CACNG4: variants seen among roughly 807,000 people sequenced by gnomAD.
The protein encoded by CACNG4 is calcium voltage-gated channel auxiliary subunit gamma 4.
CACNG4 carries 8 observed loss-of-function variants against 22.9 expected under a neutral mutation model. The observed-to-expected ratio is 0.35, with a 90% confidence interval of 0.21 to 0.63. The LOEUF (loss-of-function observed/expected upper bound fraction) is 0.63, where lower values mean the gene tolerates loss of function less well. CACNG4 is among the 30% of genes least tolerant of loss of function. CACNG4 has a pLI of 0.72. For missense variants in CACNG4, 357 were observed against 455.4 expected, an observed-to-expected ratio of 0.78 and a Z score of 1.97; for synonymous variants, 188 against 191.9, an observed-to-expected ratio of 0.98 and a Z score of 0.17.
chr17:67,018,848 T>C (rs1456694287), intron 2 of CACNG4, among the ~76,000 whole-genome samples: 1 of 152,114 alleles, frequency 6.6e-6, no homozygotes, highest in African/African-American at 2.4e-5. Flanking sequence ...GCACCGCCTC[T>C]GCCCATGGGA....
rs72846277 is a variant in CACNG4, at chr17:67,025,343, A to T, written c.445+343A>T. On this transcript the variant is annotated intron_variant, in intron 3 of 3. Coordinates refer to ENST00000262138, the MANE Select transcript of CACNG4 (RefSeq NM_014405.4). The stretch of plus-strand genomic sequence containing the variant: ...CCGGAAAATAAGTCCAGGTGTGCAA[A>T]GTGGTGGGTGGGGTTCAGCTGGCAG... 9.3e-3 allele frequency among the ~76,000 whole-genome samples: 1,423 copies of T among 152,266 alleles called. 20 individuals are homozygous for T. Among genetic ancestry groups the T allele is most frequent in the African/African-American group, 0.029 (1,209 of 41,538 alleles).
chr17:66,998,098 G>A (rs1040663772), intron 1 of CACNG4, among the ~76,000 whole-genome samples: 3 of 152,340 alleles, frequency 2.0e-5, no homozygotes, highest in East Asian at 3.9e-4. Flanking sequence ...TTCAGGACAC[G>A]TCAGGGCTGT....
In CACNG4 at chr17:66,984,562, T is replaced by G. The variant is rs778359041; in HGVS notation, c.220+19431T>G. On this transcript the variant is annotated intron_variant, in intron 1 of 3. Transcript: ENST00000262138. This position sits in a 1 kb window ranked among gnomAD's most constrained non-coding sequence, Gnocchi z 4.0. ...GTGCTATGTTCTGGGGACTCGTTCA[T>G]TCATTCATTCAGCACTTATTTTTGC... is the stretch of plus-strand genomic sequence containing the variant. 9.2e-5 allele frequency among the ~76,000 whole-genome samples: 14 copies of G among 152,172 alleles called. No individual in the cohort carries two copies. Among genetic ancestry groups the G allele is most frequent in the Non-Finnish European group, 1.8e-4 (12 of 68,018 alleles).
Position 67,031,314 on chromosome 17 carries a change from G to T in CACNG4, c.*310G>T. The T allele has an allele frequency of 1.7e-6, 1 of 572,168 alleles. No homozygotes were observed. Among genetic ancestry groups the T allele is most frequent in the South Asian group, 1.5e-5 (1 of 65,570 alleles). 35.4% of individuals were successfully genotyped at this position (572,168 alleles called of 1,614,324 possible). A position where few individuals can be genotyped will look rare whatever the true frequency, so the allele number is the denominator to read the frequency against. Reference sequence around the variant, plus strand: ...AGGCTGCCTGGCCTTGATCAACTTGGGAAGACAAAATTGAGCCATTATCTC... The same window carrying T: ...AGGCTGCCTGGCCTTGATCAACTTGTGAAGACAAAATTGAGCCATTATCTC... On this transcript the variant is annotated 3_prime_UTR_variant, in exon 4 of 4. Transcript: ENST00000262138. The surrounding 1 kb of genome is among the most constrained non-coding windows in gnomAD (Gnocchi z 4.0).
intron 2 of CACNG4, among the ~76,000 whole-genome samples, chr17:67,022,676 C>T (rs113325631): frequency 3.1e-3 from 467 of 152,372 alleles, no homozygotes; most frequent in African/African-American, 0.01. Context: ...GGGAGGGTGG[C>T]GCCTGCCAGT....
At position 67,031,560 on chromosome 17, in the gene CACNG4, A is replaced by C; in HGVS notation, c.*556A>C. ...CTCTCCCTCTCTCCAAGACTCTGGC[A>C]GTGGCCTATGATCCTGAAGACAGCT... On this transcript the variant is annotated 3_prime_UTR_variant, in exon 4 of 4. Coordinates refer to ENST00000262138, the MANE Select transcript of CACNG4 (RefSeq NM_014405.4). This position sits in a 1 kb window ranked among gnomAD's most constrained non-coding sequence, Gnocchi z 4.0. 2.2e-6 allele frequency: 1 copy of C among 457,016 alleles called. No individual in the cohort carries two copies. The highest frequency in any genetic ancestry group is 1.5e-5 in the South Asian group (1 of 64,562). The allele number at this position is 457,016 out of a possible 1,614,324, so 28.3% of individuals were successfully genotyped here.
intron 1 of CACNG4, 28 bp downstream of exon 1, chr17:66,965,159 C>CG (rs3035534): frequency 3.2e-6 from 3 of 924,568 alleles, no homozygotes; most frequent in East Asian, 6.8e-5. Context: ...CCCTCGCCGC[C>CG]CCACACACAC....
At position 67,030,702 on chromosome 17, in the gene CACNG4, T is replaced by C; in HGVS notation, c.682T>C (p.Ser228Pro). 1 of 1,614,154 alleles carries C rather than the reference T, an allele frequency of 6.2e-7. No individual in the cohort carries two copies. The highest frequency in any genetic ancestry group is 8.5e-7 in the Non-Finnish European group (1 of 1,180,022). The part of the protein sequence containing the change: ...KREFLKASSS[S>P]PYARMPSYRY... ...GGAATTCCTTAAGGCGTCTTCCTCT[T>C]CTCCTTATGCCAGGATGCCGAGCTA... The change falls in exon 4 of 4, where the codon TCT becomes CCT. Residue 228 changes from serine (S) to proline (P), a missense_variant. Ser to Pro is a moderately conservative substitution (Grantham distance 74, BLOSUM62 -1). Around this residue, in one of 3 missense-constraint regions of CACNG4, gnomAD observed 240 missense variants for 277.6 expected, o/e 0.86. Coordinates refer to ENST00000262138, the MANE Select transcript of CACNG4 (RefSeq NM_014405.4). The surrounding 1 kb of genome is among the most constrained non-coding windows in gnomAD (Gnocchi z 6.4).
intron 1 of CACNG4, among the ~76,000 whole-genome samples, chr17:67,001,729 G>A (rs1331203349): frequency 2.0e-5 from 3 of 152,230 alleles, no homozygotes; most frequent in Admixed American, 2.0e-4. Flanking sequence ...TGCTCTTCCA[G>A]GACTTCAGGG....
chr17:67,024,783 G>A, intron 2 of CACNG4, 77 bp from the exon 3 acceptor site: 1 of 1,383,994 alleles, frequency 7.2e-7, no homozygotes, highest in Non-Finnish European at 9.4e-7. Flanking sequence ...AGGTTCCTGG[G>A]AGACATACGC....
At chr17:66,991,547 T>A (rs1740844582) in intron 1 of CACNG4, among the ~76,000 whole-genome samples, 1 of 152,022 alleles carries the variant, frequency 6.6e-6, no homozygotes, top group Non-Finnish European at 1.5e-5. Flanking sequence ...TTGAGTCTGT[T>A]CTCCTGTTGG....
rs73997304 is a variant in CACNG4, at chr17:66,978,581, G to T, written c.220+13450G>T. Among the ~76,000 whole-genome samples, 3 of 152,268 alleles carry T rather than the reference G, an allele frequency of 2.0e-5. No individual in the cohort carries two copies. The East Asian group carries it at 5.8e-4, about 29-fold the overall frequency. ...CTCCCTTCCAGGGGCCGGACAGTCCGGCCAAGGCCATGTCACCAGCTCATC... is the reference window on the plus strand; with the variant it reads ...CTCCCTTCCAGGGGCCGGACAGTCCTGCCAAGGCCATGTCACCAGCTCATC... On this transcript the variant is annotated intron_variant, in intron 1 of 3. Coordinates refer to ENST00000262138, the MANE Select transcript of CACNG4 (RefSeq NM_014405.4).
chr17:66,964,739 G>A lies in CACNG4; in HGVS notation c.-173G>A, dbSNP rs1368774376. Among the ~76,000 whole-genome samples, 1 of 145,366 alleles carries A rather than the reference G, an allele frequency of 6.9e-6. No individual in the cohort carries two copies. Among genetic ancestry groups the A allele is most frequent in the Non-Finnish European group, 1.5e-5 (1 of 65,596 alleles). On this transcript the variant is annotated 5_prime_UTR_variant, in exon 1 of 4. Coordinates refer to ENST00000262138, the MANE Select transcript of CACNG4 (RefSeq NM_014405.4). ...GCCGCGCCTCGGAGTTTGAGCCCCA[G>A]CGCTGCCGGAGCGCAGGCACGCCCG...
At chr17:67,018,323 G>A (rs1387247344) in intron 2 of CACNG4, 51 bp downstream of exon 2, 1 of 1,418,144 alleles carries the variant, frequency 7.1e-7, no homozygotes, top group Non-Finnish European at 1.0e-6. Context: ...CGGAAGGGTG[G>A]GGGAAGGCGG....
chr17:66,980,022 G>C (rs919569361), intron 1 of CACNG4, among the ~76,000 whole-genome samples: 1 of 152,116 alleles, frequency 6.6e-6, no homozygotes, highest in Non-Finnish European at 1.5e-5. Context: ...CCAAAGTGCT[G>C]GGATTACAGG....
At chr17:66,994,020 TAA>T (rs58662640) in intron 1 of CACNG4, among the ~76,000 whole-genome samples, 30,273 of 142,394 alleles carry the variant, frequency 0.21, 5,269 homozygotes, top group African/African-American at 0.49. Flanking sequence ...AATATACACA[TAA>T]AAAAAAAAAA....
chr17:66,970,811 C>T (rs117314028), intron 1 of CACNG4, among the ~76,000 whole-genome samples: 157 of 152,322 alleles, frequency 1.0e-3, no homozygotes, highest in Non-Finnish European at 1.8e-3. Flanking sequence ...GACATGTTCT[C>T]GCCCTGTGTC....
chr17:66,975,823 T>C (rs2035232488), intron 1 of CACNG4, among the ~76,000 whole-genome samples: 2 of 152,184 alleles, frequency 1.3e-5, no homozygotes, highest in Non-Finnish European at 1.5e-5. Flanking sequence ...GGCTCTCAGC[T>C]GGGAGCTGAA....
At chr17:66,977,601 G>T (rs892514131) in intron 1 of CACNG4, among the ~76,000 whole-genome samples, 1 of 152,194 alleles carries the variant, frequency 6.6e-6, no homozygotes, top group East Asian at 1.9e-4. Flanking sequence ...TGATCAGAAC[G>T]ATTAAATGAG....
Sources: allele counts gnomAD v4.1 joint callset (sites outside exome capture counted in the v4.1 genomes callset), GRCh38; gene constraint gnomAD v4.1.1; regional missense constraint gnomAD v4.1.1; non-coding constraint Gnocchi (gnomAD v3.1); transcripts MANE v1.5; gene names NCBI Gene and HGNC (gene_info 2026-07-23, HGNC 2026-07-21).